The following ACSM2A variants were observed in gnomAD, a reference collection of about 807,000 sequenced individuals.
ACSM2A encodes the protein acyl-CoA synthetase medium chain family member 2A.
ACSM2A carries 72 observed loss-of-function variants against 76.6 expected under a neutral mutation model. The observed-to-expected ratio is 0.94, with a 90% CI of 0.78 to 1.14. The LOEUF (loss-of-function observed/expected upper bound fraction) is 1.14, where lower values mean the gene tolerates loss of function less well. Among genes scored for constraint, ACSM2A ranks in the 50% most tolerant of loss-of-function variants. The probability of loss-of-function intolerance (pLI) is 0.00; values close to 1 mark genes in which losing one functional copy is unlikely to be tolerated. For synonymous variants in ACSM2A, 249 were observed against 255.9 expected (o/e 0.97, Z 0.26); for missense variants, 684 against 708.5 (o/e 0.97, Z 0.39).
At chr16:20,482,912 T>G in intron 12 of ACSM2A, 146 bp from the exon 13 acceptor site, 1 of 1,335,554 alleles carries the variant, frequency 7.5e-7, no homozygotes, top group Non-Finnish European at 1.0e-6. Context: ...ATGTCCCCAG[T>G]TTTCTCCTTT....
chr16:20,471,274 A>C, intron 5 of ACSM2A, 58 bp downstream of exon 5: 2 of 1,580,290 alleles, frequency 1.3e-6, no homozygotes, highest in Non-Finnish European at 1.7e-6. Flanking sequence ...TTAGAAGGAG[A>C]ATGAGACCCA....
chr16:20,458,723 G>C (rs185574372), intron 1 of ACSM2A, among the ~76,000 whole-genome samples: 1 of 139,488 alleles, frequency 7.2e-6, no homozygotes, highest in African/African-American at 2.6e-5. Flanking sequence ...CATGAAGTCC[G>C]TATGGTATGG....
intron 3 of ACSM2A, among the ~76,000 whole-genome samples, 195 bp downstream of exon 3, chr16:20,465,922 A>T (rs2012968387): frequency 6.6e-6 from 1 of 152,208 alleles, no homozygotes; most frequent in Non-Finnish European, 1.5e-5. Flanking sequence ...GGTGAACAAC[A>T]ACAATGACAT....
Position 20,475,357 on chromosome 16 carries a change from T to C in ACSM2A, c.895-5T>C, listed in dbSNP as rs1487129143. The C allele has an allele frequency of 9.9e-6, 16 of 1,613,552 alleles. No individual in the cohort carries two copies. Among genetic ancestry groups the C allele is most frequent in the East Asian group, 6.7e-5 (3 of 44,882 alleles). The stretch of plus-strand genomic sequence containing the variant: ...CCAATGTCTCACCTGGCTCTTGTCT[T>C]CCAGACACTCTCCAGTTATCCAATC... On this transcript the variant is annotated splice_region_variant and splice_polypyrimidine_tract_variant and intron_variant, in intron 6 of 13. Coordinates refer to ENST00000573854, the MANE Select transcript of ACSM2A (RefSeq NM_001308172.2).
Position 20,478,607 on chromosome 16 carries a change from C to A in ACSM2A, c.1211C>A (p.Pro404His), listed in dbSNP as rs201551733. Reference protein sequence around the residue: ...IIDDKGNVLPPGTEGDIGIRV... With the variant: ...IIDDKGNVLPHGTEGDIGIRV... ...GATGATAAGGGCAACGTCCTGCCCCCCGGCACAGAAGGAGACATTGGCATC... is the reference window on the plus strand; with the variant it reads ...GATGATAAGGGCAACGTCCTGCCCCACGGCACAGAAGGAGACATTGGCATC... Residue 404 changes from proline (P) to histidine (H), a missense_variant, in exon 10 of 14, where the codon CCC (proline) becomes CAC (histidine). Pro to His is a moderately conservative substitution (Grantham distance 77, BLOSUM62 -2). Transcript: ENST00000573854. 5.4e-5 allele frequency: 87 copies of A among 1,613,826 alleles called. 2 individuals carry two copies. Among genetic ancestry groups the A allele is most frequent in the South Asian group, 1.9e-4 (17 of 91,048 alleles).
At chr16:20,468,056 G>A (rs368999402) in intron 3 of ACSM2A, among the ~76,000 whole-genome samples, 10 of 152,136 alleles carry the variant, frequency 6.6e-5, no homozygotes, top group African/African-American at 1.4e-4. Context: ...TATCAGAGGC[G>A]ACCAAACCAA....
intron 9 of ACSM2A, 60 bp from the exon 10 acceptor site, chr16:20,478,516 A>T: frequency 6.4e-7 from 1 of 1,572,912 alleles, no homozygotes; most frequent in East Asian, 2.3e-5. Context: ...CAATCTCATG[A>T]TGCCATTGAA....
Position 20,465,642 on chromosome 16 carries a change from T to C in ACSM2A, c.303T>C (p.Cys101=). 6.2e-7 allele frequency: 1 copy of C among 1,614,016 alleles called. No homozygotes were observed. The highest frequency in any genetic ancestry group is 1.1e-5 in the South Asian group (1 of 91,076). The change falls in exon 3 of 14, where the codon TGT becomes TGC. Residue 101 remains cysteine (C), a synonymous_variant. Coordinates refer to ENST00000573854, the MANE Select transcript of ACSM2A (RefSeq NM_001308172.2). ...CAGCCAACGTCCTCTCGGGAGCCTG[T>C]GGCCTGCAGCGTGGGGATCGTGTGG... is the stretch of plus-strand genomic sequence containing the variant. ...QQAANVLSGA[C]GLQRGDRVAV... is the part of the protein sequence containing the mutation.
At chr16:20,471,436 T>C (rs1421770556) in intron 5 of ACSM2A, 100 bp from the exon 6 acceptor site, 2 of 1,518,714 alleles carry the variant, frequency 1.3e-6, no homozygotes, top group African/African-American at 1.4e-5. Context: ...CACACACACC[T>C]CTGCACACAC....
chr16:20,460,291 G>C lies in ACSM2A; in HGVS notation c.177G>C (p.Lys59Asn). ...DVLDHWADMEKAGKRLPSPAL... is the reference protein window; with the variant it reads ...DVLDHWADMENAGKRLPSPAL... Reference sequence around the variant, plus strand: ...TGGATCACTGGGCTGACATGGAGAAGGTAATGGGGTGGAAAAGAGGCACAG... The same window carrying C: ...TGGATCACTGGGCTGACATGGAGAACGTAATGGGGTGGAAAAGAGGCACAG... Residue 59 changes from lysine (K) to asparagine (N), a missense_variant and splice_region_variant, in exon 2 of 14, where the codon AAG (lysine) becomes AAC (asparagine). Physicochemically the swap from Lys to Asn is moderately conservative, Grantham distance 94. Coordinates refer to ENST00000573854, the MANE Select transcript of ACSM2A (RefSeq NM_001308172.2). The C allele has an allele frequency of 6.2e-7, 1 of 1,613,638 alleles. No individual in the cohort carries two copies. Among genetic ancestry groups the C allele is most frequent in the Non-Finnish European group, 8.5e-7 (1 of 1,179,756 alleles).
rs1133607 is a variant in ACSM2A at position 20,483,086 on chromosome 16, C to G, written c.1538C>G (p.Ser513Trp). ...EVVKAFVVLA[S>W]QFLSHDPEQL... ...GTGAAGGCATTTGTGGTCCTGGCCT[C>G]GCAGTTCCTGTCCCATGACCCAGAA... The change falls in exon 13 of 14, where the codon TCG (serine) becomes TGG (tryptophan). Residue 513 changes from serine (S) to tryptophan (W), a missense_variant. By Grantham distance (177) the Ser-to-Trp change is radical (BLOSUM62 -3). Coordinates refer to ENST00000573854, the MANE Select transcript of ACSM2A (RefSeq NM_001308172.2). 1 of 1,613,648 alleles carries G rather than the reference C, an allele frequency of 6.2e-7. No homozygotes were observed.
At chr16:20,458,694 C>CTATA (rs542833894) in intron 1 of ACSM2A, among the ~76,000 whole-genome samples, 2 of 137,742 alleles carry the variant, frequency 1.5e-5, no homozygotes, top group Non-Finnish European at 3.1e-5. Context: ...CTATATCTGT[C>CTATA]TATATATATA....
intron 1 of ACSM2A, among the ~76,000 whole-genome samples, chr16:20,455,207 G>C (rs1567354373): frequency 6.6e-6 from 1 of 151,514 alleles, no homozygotes; most frequent in Non-Finnish European, 1.5e-5. Context: ...ACATCTAAAA[G>C]TTTGGGAAAT....
At chr16:20,466,049 A>G (rs796077967) in intron 3 of ACSM2A, among the ~76,000 whole-genome samples, 5 of 152,300 alleles carry the variant, frequency 3.3e-5, no homozygotes, top group African/African-American at 1.2e-4. Flanking sequence ...ATTAAAATCT[A>G]TAAAAATAAA....
At chr16:20,462,197 G>A (rs2012664086) in intron 2 of ACSM2A, among the ~76,000 whole-genome samples, 1 of 152,120 alleles carries the variant, frequency 6.6e-6, no homozygotes. Flanking sequence ...CTGGTTACAT[G>A]ACTCCTAAGC....
At chr16:20,454,666 T>G (rs1171506338) in intron 1 of ACSM2A, among the ~76,000 whole-genome samples, 2 of 151,920 alleles carry the variant, frequency 1.3e-5, no homozygotes, top group African/African-American at 4.8e-5. Flanking sequence ...ACAATAGCCT[T>G]GAGCCCCAGA....
At chr16:20,468,313 A>G (rs2013140147) in intron 3 of ACSM2A, among the ~76,000 whole-genome samples, 1 of 152,226 alleles carries the variant, frequency 6.6e-6, no homozygotes, top group African/African-American at 2.4e-5. Context: ...CAGGACAGGC[A>G]TGTGGTTTAA....
intron 1 of ACSM2A, among the ~76,000 whole-genome samples, chr16:20,458,932 A>ATATATATATATATATATATATG (rs1491482058): frequency 3.5e-5 from 2 of 56,968 alleles, no homozygotes; most frequent in African/African-American, 2.4e-4. Flanking sequence ...ATATATATAT[A>ATATATATATATATATATATATG]CATATATATA....
At chr16:20,476,276 A>G (rs1041739490) in intron 8 of ACSM2A, 1 of 987,770 alleles carries the variant, frequency 1.0e-6, no homozygotes, top group African/African-American at 1.8e-5. Context: ...TCTCATGTGC[A>G]CAATGTGGAT....
Sources: gnomAD v4.1 joint callset for allele counts (sites outside exome capture counted in the v4.1 genomes callset) on GRCh38, gnomAD v4.1.1 for gene constraint, MANE v1.5 for transcripts, NCBI Gene and HGNC (gene_info 2026-07-23, HGNC 2026-07-21) for gene names.